Variants in RBFOX3 observed in about 807,000 individuals in gnomAD.
The protein encoded by RBFOX3 is RNA binding fox-1 homolog 3.
In RBFOX3, 17 loss-of-function variants were observed where a neutral mutation model predicts 48.7. The observed-to-expected ratio is 0.35, with a 90% CI of 0.24 to 0.52. The LOEUF (loss-of-function observed/expected upper bound fraction) is 0.52. RBFOX3 is among the 20% of genes least tolerant of loss of function. The pLI is 0.94. For missense variants in RBFOX3, 382 were observed against 497.5 expected (o/e 0.77, Z 2.21); for synonymous variants, 212 against 209.5 (o/e 1.01, Z -0.10).
intron 1 of RBFOX3, among the ~76,000 whole-genome samples, chr17:79,508,514 C>A (rs1028794279): frequency 6.6e-6 from 1 of 152,230 alleles, no homozygotes; most frequent in Non-Finnish European, 1.5e-5. Context: ...CTGCTCCCCG[C>A]ACCCCCACAG....
chr17:79,209,868 C>G lies in RBFOX3; in HGVS notation c.-34+25898G>C, dbSNP rs1238323701. ...AAAAATTAGCCGGGCGTGGTGGTGG[C>G]CGCCTGTAGTCCCAGCTACTTGGGA... On this transcript the variant is annotated intron_variant, in intron 4 of 14. Transcript: ENST00000693108. Among the ~76,000 whole-genome samples the G allele has an allele frequency of 3.3e-5, 5 of 151,998 alleles. No homozygotes were observed. In the South Asian group the frequency reaches 6.2e-4, roughly 19 times the overall value.
At chr17:79,114,150 C>T (rs949187263) in intron 5 of RBFOX3, among the ~76,000 whole-genome samples, 3 of 152,174 alleles carry the variant, frequency 2.0e-5, no homozygotes, top group East Asian at 1.9e-4. Flanking sequence ...CCTGCTCTAG[C>T]GTGACTTGTT....
At chr17:79,155,637 C>G (rs2045609136) in intron 4 of RBFOX3, among the ~76,000 whole-genome samples, 1 of 152,250 alleles carries the variant, frequency 6.6e-6, no homozygotes, top group Admixed American at 6.5e-5. Flanking sequence ...GAGAAGGACC[C>G]TGTCCCTTAG....
In RBFOX3 at chr17:79,283,592, G is replaced by A. The variant is rs553324133; in HGVS notation, c.-74+24132C>T. 2.0e-5 allele frequency among the ~76,000 whole-genome samples: 3 copies of A among 152,296 alleles called. No individual in the cohort carries two copies. The South Asian group carries it at 6.2e-4, about 32-fold the overall frequency. ...ATTCGGTCTAGATTTAAAAGTACAC[G>A]GAATCATGGTGAGATTTGTTGTGTG... On this transcript the variant is annotated intron_variant, in intron 3 of 14. Coordinates refer to ENST00000693108, the MANE Select transcript of RBFOX3 (RefSeq NM_001350451.2).
chr17:79,202,690 G>A (rs536146795), intron 4 of RBFOX3, among the ~76,000 whole-genome samples: 179 of 152,238 alleles, frequency 1.2e-3, no homozygotes, highest in Middle Eastern at 3.4e-3. Flanking sequence ...TTGGCTGTGC[G>A]TGTCAGAGCG....
chr17:79,468,532 G>A (rs777176808), intron 2 of RBFOX3, among the ~76,000 whole-genome samples: 151 of 152,248 alleles, frequency 9.9e-4, no homozygotes, highest in Non-Finnish European at 1.3e-3. Flanking sequence ...TAGATAGATC[G>A]GTAGCAGATA....
chr17:79,625,275 G>A, the RBFOX3 span, among the ~76,000 whole-genome samples: 15 of 152,086 alleles, frequency 9.9e-5, no homozygotes, highest in African/African-American at 3.6e-4. Flanking sequence ...ATACTTCTTT[G>A]TTGCCTGGCT....
intron 4 of RBFOX3, among the ~76,000 whole-genome samples, chr17:79,128,769 C>T (rs1363674088): frequency 6.6e-6 from 1 of 152,218 alleles, no homozygotes; most frequent in Non-Finnish European, 1.5e-5. Flanking sequence ...AGACCTCTCA[C>T]TCCAGGGCAA....
At chr17:79,509,157 C>A (rs1213189203) in intron 1 of RBFOX3, among the ~76,000 whole-genome samples, 1 of 152,114 alleles carries the variant, frequency 6.6e-6, no homozygotes, top group Admixed American at 6.5e-5. Context: ...ACCACTGCCC[C>A]CATGAGGTTG....
intron 4 of RBFOX3, among the ~76,000 whole-genome samples, chr17:79,160,066 C>G (rs1353244295): frequency 6.6e-6 from 1 of 152,252 alleles, no homozygotes; most frequent in African/African-American, 2.4e-5. Flanking sequence ...GGCTGCCTTC[C>G]CCAGGAACGC....
chr17:79,154,191 C>T (rs558153686), intron 4 of RBFOX3, among the ~76,000 whole-genome samples: 2 of 145,570 alleles, frequency 1.4e-5, no homozygotes, highest in East Asian at 4.5e-4. Flanking sequence ...TCTTCGAACA[C>T]GCTAAGCTCC....
intron 1 of RBFOX3, among the ~76,000 whole-genome samples, chr17:79,562,259 C>CG (rs1182027264): frequency 6.6e-6 from 1 of 152,176 alleles, no homozygotes; most frequent in Non-Finnish European, 1.5e-5. Flanking sequence ...AGCCCTCACC[C>CG]GAGTCGGCGG....
At chr17:79,275,528 C>T (rs1414542496) in intron 3 of RBFOX3, among the ~76,000 whole-genome samples, 1 of 152,168 alleles carries the variant, frequency 6.6e-6, no homozygotes, top group Non-Finnish European at 1.5e-5. Context: ...AGGGTGCAGA[C>T]CGCACGCTCA....
At chr17:79,345,201 G>T (rs545025851) in intron 2 of RBFOX3, among the ~76,000 whole-genome samples, 1 of 152,264 alleles carries the variant, frequency 6.6e-6, no homozygotes, top group South Asian at 2.1e-4. Context: ...GTTTTGGTTT[G>T]TTTTGTTTGA....
chr17:79,624,320 G>A, the RBFOX3 span, among the ~76,000 whole-genome samples: 1 of 152,040 alleles, frequency 6.6e-6, no homozygotes, highest in African/African-American at 2.4e-5. Context: ...GCCAAGTCCG[G>A]GCCACATGGC....
At chr17:79,469,516 C>T (rs1261864025) in intron 2 of RBFOX3, among the ~76,000 whole-genome samples, 1 of 152,194 alleles carries the variant, frequency 6.6e-6, no homozygotes, top group Non-Finnish European at 1.5e-5. Flanking sequence ...GTCCCTGTCC[C>T]CTGTCCTGCA....
intron 1 of RBFOX3, among the ~76,000 whole-genome samples, chr17:79,497,769 T>C (rs1368621888): frequency 6.6e-6 from 1 of 152,178 alleles, no homozygotes; most frequent in Non-Finnish European, 1.5e-5. Flanking sequence ...GCAACACAGA[T>C]GGGCACGGCC....
At chr17:79,612,432 G>C (rs1041192056), upstream of RBFOX3, among the ~76,000 whole-genome samples, 12 of 152,122 alleles carry the variant, frequency 7.9e-5, no homozygotes, top group Non-Finnish European at 1.2e-4. Flanking sequence ...GGGGAGTATG[G>C]ATTTGGAGCT....
intron 3 of RBFOX3, among the ~76,000 whole-genome samples, chr17:79,273,850 G>C (rs892314598): frequency 1.3e-5 from 2 of 152,198 alleles, no homozygotes; most frequent in African/African-American, 4.8e-5. Flanking sequence ...TATTTGCAGG[G>C]GGGAAGGAGG....
Sources: allele counts gnomAD v4.1 joint callset (sites outside exome capture counted in the v4.1 genomes callset), GRCh38; gene constraint gnomAD v4.1.1; transcripts MANE v1.5; gene names NCBI Gene and HGNC (gene_info 2026-07-23, HGNC 2026-07-21).